The following AGPS variants were observed in gnomAD, a reference collection of about 807,000 sequenced individuals.
AGPS encodes the protein alkylglycerone phosphate synthase.
AGPS carries 26 observed loss-of-function variants against 90.7 expected under a neutral mutation model. The observed-to-expected ratio is 0.29, with a 90% CI of 0.21 to 0.40. AGPS has a LOEUF of 0.40. AGPS is among the 10% of genes least tolerant of loss of function. The pLI is 1.00. For synonymous variants in AGPS, 294 were observed against 285.3 expected (o/e 1.03, Z -0.31); for missense variants, 540 against 816.1 (o/e 0.66, Z 4.12).
chr2:177,444,935 T>G (rs1686724838), intron 7 of AGPS, among the ~76,000 whole-genome samples: 1 of 152,236 alleles, frequency 6.6e-6, no homozygotes, highest in Non-Finnish European at 1.5e-5. Context: ...ATTTAGTTCC[T>G]TCTTTTGAGC....
chr2:177,509,788 A>C (rs1688818812), intron 16 of AGPS, among the ~76,000 whole-genome samples: 1 of 152,188 alleles, frequency 6.6e-6, no homozygotes, highest in Admixed American at 6.5e-5. Context: ...TTCCAAAATC[A>C]AAACTAAGGA....
At chr2:177,499,788 C>A (rs952675936) in intron 14 of AGPS, 58 bp downstream of exon 14, 1 of 1,141,614 alleles carries the variant, frequency 8.8e-7, no homozygotes, top group Non-Finnish European at 1.3e-6. Flanking sequence ...ATTCTAATAT[C>A]ACCAAGCAAT....
intron 2 of AGPS, among the ~76,000 whole-genome samples, chr2:177,421,918 G>C (rs1685951516): frequency 6.6e-6 from 1 of 152,002 alleles, no homozygotes; most frequent in Non-Finnish European, 1.5e-5. Flanking sequence ...TATGGAACAG[G>C]GTAGATAGTC....
chr2:177,393,144 G>C, intron 1 of AGPS, 95 bp downstream of exon 1: 1 of 1,549,092 alleles, frequency 6.5e-7, no homozygotes, highest in Non-Finnish European at 8.7e-7. Context: ...GAAGTGACAC[G>C]GGTGGGCGGA....
chr2:177,475,476 G>GC (rs1288457064), intron 10 of AGPS, among the ~76,000 whole-genome samples: 2 of 152,020 alleles, frequency 1.3e-5, no homozygotes, highest in Non-Finnish European at 2.9e-5. Flanking sequence ...CAGCAATCCT[G>GC]CCCCAAGCCC....
chr2:177,530,236 A>G (rs2079126346), intron 19 of AGPS, among the ~76,000 whole-genome samples: 1 of 152,244 alleles, frequency 6.6e-6, no homozygotes, highest in South Asian at 2.1e-4. Flanking sequence ...AAAGAAAAAT[A>G]AATTTCCTTC....
At chr2:177,420,478 C>T (rs1305947553) in intron 2 of AGPS, 120 bp downstream of exon 2, 7 of 756,662 alleles carry the variant, frequency 9.3e-6, no homozygotes, top group Non-Finnish European at 1.6e-5. Flanking sequence ...CAACATTTTG[C>T]CATAACTGCT....
chr2:177,409,388 CTT>C (rs11305352), intron 1 of AGPS, among the ~76,000 whole-genome samples: 23,028 of 144,238 alleles, frequency 0.16, 1,903 homozygotes, highest in East Asian at 0.35. Context: ...TATGATTTGA[CTT>C]TTTTTTTTTT....
intron 1 of AGPS, chr2:177,393,543 T>A: frequency 1.0e-6 from 1 of 985,320 alleles, no homozygotes; most frequent in Non-Finnish European, 1.2e-6. Context: ...TGGGGTAAGT[T>A]CCACTTGCTT....
At position 177,505,528 on chromosome 2, in the gene AGPS, A is replaced by C; in HGVS notation, c.1498A>C (p.Asn500His). Residue 500 changes from asparagine to histidine, a missense_variant, in exon 15 of 20, where the codon AAT becomes CAT. By Grantham distance (68) the Asn-to-His change is moderately conservative. Around this residue, in one of 2 missense-constraint regions of AGPS, gnomAD observed 405 missense variants for 692.1 expected, o/e 0.59. Transcript: ENST00000264167. ...KFGGLAAGED[N>H]GQRGYLLTYV... ...CAGTGGGTTGGCAGCTGGAGAAGAT[A>C]ATGGACAGAGAGGTTATTTGCTGAC... 1 of 1,612,622 alleles carries C rather than the reference A, an allele frequency of 6.2e-7. No homozygotes were observed. The highest frequency in any genetic ancestry group is 2.2e-5 in the East Asian group (1 of 44,744).
At position 177,497,672 on chromosome 2, in the gene AGPS, C is replaced by T. The variant is rs1163432408; in HGVS notation, c.1286-17C>T. ...ACATAGACTAACCTATTAATATAAA[C>T]TTTTTTCTCTTCTTAGGTCATGCTC... On this transcript the variant is annotated splice_polypyrimidine_tract_variant and intron_variant, in intron 12 of 19. Transcript: ENST00000264167. 6.8e-7 allele frequency: 1 copy of T among 1,464,100 alleles called. No homozygotes were observed. The highest frequency in any genetic ancestry group is 9.3e-7 in the Non-Finnish European group (1 of 1,074,314). The allele number at this position is 1,464,100 out of a possible 1,614,324, so 90.7% of individuals were successfully genotyped here.
chr2:177,418,976 C>T, intron 1 of AGPS, among the ~76,000 whole-genome samples: 1 of 151,886 alleles, frequency 6.6e-6, no homozygotes, highest in East Asian at 1.9e-4. Context: ...TCTACAAATC[C>T]AGTCTCTGGA....
intron 8 of AGPS, among the ~76,000 whole-genome samples, chr2:177,457,311 T>C (rs928266371): frequency 2.0e-5 from 3 of 151,986 alleles, no homozygotes; most frequent in Admixed American, 1.3e-4. Context: ...ATTCAAACAC[T>C]AGCAGAAGAC....
chr2:177,398,104 A>G (rs1037419153), intron 1 of AGPS, among the ~76,000 whole-genome samples: 7 of 152,228 alleles, frequency 4.6e-5, no homozygotes, highest in African/African-American at 1.7e-4. Context: ...TCCAGAAGGA[A>G]TACAGCTGAG....
intron 1 of AGPS, among the ~76,000 whole-genome samples, chr2:177,397,429 A>G (rs910478771): frequency 1.1e-4 from 16 of 149,624 alleles, no homozygotes; most frequent in African/African-American, 3.4e-4. Flanking sequence ...TGTCAATTAC[A>G]TATGTGACAC....
intron 1 of AGPS, among the ~76,000 whole-genome samples, chr2:177,402,071 A>G (rs1685348429): frequency 6.6e-6 from 1 of 152,222 alleles, no homozygotes; most frequent in African/African-American, 2.4e-5. Flanking sequence ...GGTGAAATGG[A>G]AAATTAAACA....
intron 17 of AGPS, among the ~76,000 whole-genome samples, chr2:177,516,264 G>A (rs1047373846): frequency 2.0e-5 from 3 of 152,064 alleles, no homozygotes; most frequent in African/African-American, 7.2e-5. Flanking sequence ...CCATTAAAAT[G>A]TACTTTGTAC....
chr2:177,436,082 T>G (rs1392091372), intron 3 of AGPS, among the ~76,000 whole-genome samples: 1 of 152,018 alleles, frequency 6.6e-6, no homozygotes. Context: ...TTATTACTTA[T>G]TTTGAGGCTT....
intron 11 of AGPS, among the ~76,000 whole-genome samples, chr2:177,484,639 C>G (rs1402085844): frequency 6.6e-6 from 1 of 152,062 alleles, no homozygotes; most frequent in Non-Finnish European, 1.5e-5. Context: ...AGCCACCATG[C>G]CCAGCCACAA....
Sources: allele counts gnomAD v4.1 joint callset (sites outside exome capture counted in the v4.1 genomes callset), GRCh38; gene constraint gnomAD v4.1.1; regional missense constraint gnomAD v4.1.1; transcripts MANE v1.5; gene names NCBI Gene and HGNC (gene_info 2026-07-23, HGNC 2026-07-21).